WWOX: variants seen among roughly 807,000 people sequenced by gnomAD.
The protein encoded by WWOX is WW domain-containing oxidoreductase.
A neutral mutation model predicts 46.2 loss-of-function variants in WWOX; 69 were observed. That is an observed-to-expected ratio of 1.49 (90% CI 1.23 to 1.82). WWOX has a LOEUF of 1.82. Among genes scored for constraint, WWOX ranks in the 40% most tolerant of loss-of-function variants. WWOX has a pLI of 0.00. For missense variants in WWOX, 919 were observed against 542.6 expected (o/e 1.69, Z -6.89); for synonymous variants, 359 against 202.6 (o/e 1.77, Z -6.56).
At position 78,834,185 on chromosome 16, in the gene WWOX, A is replaced by C. The variant is rs182930873; in HGVS notation, c.1057-377423A>C. On this transcript the variant is annotated intron_variant, in intron 8 of 8. Coordinates refer to ENST00000566780, the MANE Select transcript of WWOX (RefSeq NM_016373.4). ...ATAGGAACATTCCCTTCTTCTCATA[A>C]ATCTTGTAAATTTGCATTGTTTGTG... Among the ~76,000 whole-genome samples, 6 of 152,256 alleles carry C rather than the reference A, an allele frequency of 3.9e-5. No individual in the cohort carries two copies. In the East Asian group the frequency reaches 1.2e-3, roughly 29 times the overall value.
intron 8 of WWOX, among the ~76,000 whole-genome samples, chr16:78,623,112 C>T (rs904078124): frequency 6.6e-6 from 1 of 151,932 alleles, no homozygotes; most frequent in African/African-American, 2.4e-5. Context: ...CGCAGCCCCA[C>T]TAGGCAACTA....
At chr16:78,720,591 G>C (rs891298792) in intron 8 of WWOX, among the ~76,000 whole-genome samples, 1 of 151,528 alleles carries the variant, frequency 6.6e-6, no homozygotes, top group African/African-American at 2.4e-5. Context: ...CAGGATTTCA[G>C]ACCACCATAT....
chr16:78,159,173 G>A (rs1378068509), intron 4 of WWOX, among the ~76,000 whole-genome samples: 2 of 148,650 alleles, frequency 1.3e-5, no homozygotes, highest in East Asian at 4.0e-4. Context: ...GTTTGTGTGT[G>A]TGTCTTCCAC....
intron 8 of WWOX, among the ~76,000 whole-genome samples, chr16:78,507,550 G>C (rs2085241856): frequency 6.6e-6 from 1 of 152,202 alleles, no homozygotes; most frequent in South Asian, 2.1e-4. Flanking sequence ...CCCACTGCAT[G>C]TCCTATTAGG....
chr16:78,591,352 G>A (rs1371649186), intron 8 of WWOX, among the ~76,000 whole-genome samples: 1 of 152,080 alleles, frequency 6.6e-6, no homozygotes, highest in Non-Finnish European at 1.5e-5. Flanking sequence ...AAGCATCTGG[G>A]ACCACCAGGA....
chr16:78,756,303 C>T (rs1433652687), intron 8 of WWOX, among the ~76,000 whole-genome samples: 1 of 151,680 alleles, frequency 6.6e-6, no homozygotes, highest in Non-Finnish European at 1.5e-5. Flanking sequence ...CTGGGTTTAT[C>T]TAATGTGTAT....
chr16:78,918,485 C>G (rs1216836177), intron 8 of WWOX, among the ~76,000 whole-genome samples: 1 of 152,070 alleles, frequency 6.6e-6, no homozygotes, highest in African/African-American at 2.4e-5. Context: ...GGACCCACGT[C>G]TTTTGTCTCT....
At chr16:79,118,654 A>T (rs1056616666) in intron 8 of WWOX, among the ~76,000 whole-genome samples, 1 of 152,228 alleles carries the variant, frequency 6.6e-6, no homozygotes, top group Non-Finnish European at 1.5e-5. Flanking sequence ...AATATTTAAA[A>T]AGAAGGAAGA....
chr16:78,246,451 G>C (rs1277157665), intron 5 of WWOX, among the ~76,000 whole-genome samples: 2 of 152,102 alleles, frequency 1.3e-5, no homozygotes, highest in African/African-American at 2.4e-5. Context: ...GAAGAGGGGG[G>C]AAACCTGTTG....
chr16:78,888,654 C>T (rs951590539), intron 8 of WWOX, among the ~76,000 whole-genome samples: 15 of 152,094 alleles, frequency 9.9e-5, no homozygotes, highest in Non-Finnish European at 2.1e-4. Flanking sequence ...TTTATGTTGC[C>T]ACTAGGAGTC....
At chr16:79,073,658 C>G (rs973565774) in intron 8 of WWOX, among the ~76,000 whole-genome samples, 1 of 152,098 alleles carries the variant, frequency 6.6e-6, no homozygotes, top group Non-Finnish European at 1.5e-5. Context: ...TTTCAACAGC[C>G]TGGGAAGAGA....
intron 8 of WWOX, among the ~76,000 whole-genome samples, chr16:78,741,052 G>A (rs1440585743): frequency 6.6e-6 from 1 of 152,134 alleles, no homozygotes; most frequent in Non-Finnish European, 1.5e-5. Flanking sequence ...CAAAGTCCCT[G>A]TCCAGCCAGC....
chr16:78,795,545 A>G (rs1005649676), intron 8 of WWOX, among the ~76,000 whole-genome samples: 5 of 152,206 alleles, frequency 3.3e-5, no homozygotes, highest in African/African-American at 9.6e-5. Context: ...CAATTCTGAA[A>G]AAAAGGATTC....
intron 8 of WWOX, chr16:78,994,346 C>G (rs1277516960): frequency 6.6e-6 from 1 of 152,008 alleles, no homozygotes; most frequent in East Asian, 1.9e-4. Context: ...TGAAAAAGGA[C>G]GTAATGTGCT....
At chr16:78,644,495 C>A (rs895198852) in intron 8 of WWOX, among the ~76,000 whole-genome samples, 1 of 151,642 alleles carries the variant, frequency 6.6e-6, no homozygotes, top group African/African-American at 2.4e-5. Flanking sequence ...GAGTTTTGCT[C>A]TTATTGCTCA....
chr16:78,472,083 A>G (rs1236334314), intron 8 of WWOX, among the ~76,000 whole-genome samples: 14 of 152,200 alleles, frequency 9.2e-5, no homozygotes, highest in South Asian at 2.1e-4. Flanking sequence ...TTAGGCGCCT[A>G]TGCTTGCAGT....
chr16:78,880,201 A>G (rs75873917), intron 8 of WWOX, among the ~76,000 whole-genome samples: 5,860 of 152,298 alleles, frequency 0.038, 227 homozygotes, highest in Admixed American at 0.1. Flanking sequence ...AAACGAAGAT[A>G]TCTTTGCTGT....
chr16:78,443,820 T>C (rs540110320), intron 8 of WWOX, among the ~76,000 whole-genome samples: 20 of 152,308 alleles, frequency 1.3e-4, no homozygotes, highest in African/African-American at 4.8e-4. Flanking sequence ...TTGTGGTGCC[T>C]TCTTTGATCC....
chr16:78,789,096 A>T (rs2050529132), intron 8 of WWOX, among the ~76,000 whole-genome samples: 1 of 152,104 alleles, frequency 6.6e-6, no homozygotes. Flanking sequence ...CTAAGAATCC[A>T]TTGTCAAATC....
Sources: allele counts gnomAD v4.1 joint callset (sites outside exome capture counted in the v4.1 genomes callset), GRCh38; gene constraint gnomAD v4.1.1; transcripts MANE v1.5; gene names NCBI Gene and HGNC (gene_info 2026-07-23, HGNC 2026-07-21).